Variants in FAXC observed in about 807,000 individuals in gnomAD.
FAXC encodes the protein failed axon connections homolog.
In FAXC, 10 loss-of-function variants were observed where a neutral mutation model predicts 41.9. The ratio of observed to expected loss-of-function variants is 0.24; its 90% confidence interval spans 0.15 to 0.41. The LOEUF (loss-of-function observed/expected upper bound fraction) is 0.41. Among genes scored for constraint, FAXC ranks in the 10% least tolerant of loss-of-function variants. FAXC has a pLI of 1.00. For synonymous variants in FAXC, 183 were observed against 183.8 expected, an observed-to-expected ratio of 1.00 and a Z score of 0.03; for missense variants, 399 against 510.9, an observed-to-expected ratio of 0.78 and a Z score of 2.11.
Position 99,289,637 on chromosome 6 carries a change from C to CA in FAXC, c.940+2066dup, listed in dbSNP as rs1282544694. Among the ~76,000 whole-genome samples, 10 of 151,730 alleles carry CA rather than the reference C, an allele frequency of 6.6e-5. 1 individual carries two copies. Among genetic ancestry groups the CA allele is most frequent in the African/African-American group, 2.4e-4 (10 of 41,302 alleles). On this transcript the variant is annotated intron_variant, in intron 5 of 5. Coordinates refer to ENST00000389677, the MANE Select transcript of FAXC (RefSeq NM_032511.4). The stretch of plus-strand genomic sequence containing the variant: ...TGTCACTTCACTCTAGCCTAGGCAA[C>CA]AGAGCAAGACCCCATTAAAATATAT...
At position 99,304,880 on chromosome 6, in the gene FAXC, A is replaced by G. The variant is rs569761472; in HGVS notation, c.824-13060T>C. Among the ~76,000 whole-genome samples, 3 of 152,356 alleles carry G rather than the reference A, an allele frequency of 2.0e-5. No homozygotes were observed. The South Asian group carries it at 6.2e-4, about 32-fold the overall frequency. On this transcript the variant is annotated intron_variant, in intron 4 of 5. Transcript: ENST00000389677. ...TACAAGCTCAGTGCAACAGCAGAGA[A>G]GAGAAGCACCTCCAACATAGCCCAG...
chr6:99,342,163 T>C (rs1773450105), intron 2 of FAXC, among the ~76,000 whole-genome samples: 1 of 152,090 alleles, frequency 6.6e-6, no homozygotes. Flanking sequence ...GTGGAAAAGC[T>C]CTCACCACAT....
Position 99,278,255 on chromosome 6 carries a change from A to C in FAXC, c.*2909T>G, listed in dbSNP as rs550527827. 6.6e-6 allele frequency: 1 copy of C among 152,318 alleles called. No individual in the cohort carries two copies. The highest frequency in any genetic ancestry group is 1.5e-5 in the Non-Finnish European group (1 of 68,028). The allele number at this position is 152,318 out of a possible 1,614,324, so 9.4% of individuals were successfully genotyped here. A position where few individuals can be genotyped will look rare whatever the true frequency, so the allele number is the denominator to read the frequency against. On this transcript the variant is annotated 3_prime_UTR_variant, in exon 6 of 6. Coordinates refer to ENST00000389677, the MANE Select transcript of FAXC (RefSeq NM_032511.4). ...CTTATATCTGTTCTGATGGAGAGTA[A>C]AGCTCAATGATTCTGCTCATTAATC...
At chr6:99,305,512 C>A (rs1381416306) in intron 4 of FAXC, among the ~76,000 whole-genome samples, 1 of 152,098 alleles carries the variant, frequency 6.6e-6, no homozygotes, top group Admixed American at 6.6e-5. Flanking sequence ...TCCTCATTTA[C>A]AAACCAGGCA....
intron 2 of FAXC, among the ~76,000 whole-genome samples, chr6:99,341,400 G>C (rs1773423108): frequency 6.6e-6 from 1 of 152,076 alleles, no homozygotes; most frequent in Non-Finnish European, 1.5e-5. Flanking sequence ...GAAAAAGAGA[G>C]AGAGAATGAA....
intron 4 of FAXC, among the ~76,000 whole-genome samples, chr6:99,301,241 A>G (rs143113423): frequency 6.6e-6 from 1 of 152,212 alleles, no homozygotes; most frequent in Admixed American, 6.5e-5. Context: ...CTCAAACCAT[A>G]CACTCATCAG....
intron 4 of FAXC, among the ~76,000 whole-genome samples, chr6:99,293,048 C>T (rs1771305773): frequency 6.6e-6 from 1 of 152,218 alleles, no homozygotes. Context: ...CTCAAGTGAT[C>T]TGCCCACCTT....
intron 4 of FAXC, among the ~76,000 whole-genome samples, 166 bp downstream of exon 4, chr6:99,323,278 G>C (rs1772657325): frequency 6.6e-6 from 1 of 152,184 alleles, no homozygotes; most frequent in Admixed American, 6.5e-5. Flanking sequence ...AAAGACACAT[G>C]CTTTTGAAAA....
chr6:99,300,705 A>G (rs1771672089), intron 4 of FAXC, among the ~76,000 whole-genome samples: 1 of 152,238 alleles, frequency 6.6e-6, no homozygotes, highest in Non-Finnish European at 1.5e-5. Context: ...AGGCTTTCCC[A>G]TCAATTTCAT....
intron 2 of FAXC, among the ~76,000 whole-genome samples, chr6:99,341,597 T>C (rs1261261906): frequency 6.6e-6 from 1 of 152,056 alleles, no homozygotes; most frequent in Non-Finnish European, 1.5e-5. Context: ...CTAAAATATA[T>C]AAATACTCTA....
chr6:99,287,777 A>C (rs1479486049), intron 5 of FAXC, among the ~76,000 whole-genome samples: 1 of 152,200 alleles, frequency 6.6e-6, no homozygotes, highest in Non-Finnish European at 1.5e-5. Context: ...TCTACCACAG[A>C]GACAGCAAAG....
intron 4 of FAXC, among the ~76,000 whole-genome samples, chr6:99,320,822 C>T (rs1772558704): frequency 6.6e-6 from 1 of 152,154 alleles, no homozygotes; most frequent in South Asian, 2.1e-4. Context: ...AACACACTGC[C>T]GCCTCATCTA....
chr6:99,314,834 G>A (rs1772278175), intron 4 of FAXC, among the ~76,000 whole-genome samples: 1 of 152,134 alleles, frequency 6.6e-6, no homozygotes, highest in Non-Finnish European at 1.5e-5. Flanking sequence ...TACATATGAT[G>A]TTCCTTCTCT....
At chr6:99,344,856 C>G (rs1292238986) in intron 1 of FAXC, among the ~76,000 whole-genome samples, 1 of 152,116 alleles carries the variant, frequency 6.6e-6, no homozygotes, top group Non-Finnish European at 1.5e-5. Flanking sequence ...GCTCCATCAG[C>G]CAGAACGATC....
chr6:99,281,519 G>A (rs1410798572), intron 5 of FAXC, 66 bp from the exon 6 acceptor site: 2 of 1,263,924 alleles, frequency 1.6e-6, no homozygotes, highest in Admixed American at 3.9e-5. Flanking sequence ...TCTATGGTCT[G>A]TGTTGCCCCA....
intron 3 of FAXC, among the ~76,000 whole-genome samples, chr6:99,327,161 C>T (rs888513627): frequency 6.6e-6 from 1 of 152,120 alleles, no homozygotes; most frequent in Non-Finnish European, 1.5e-5. Context: ...TATTATCGAC[C>T]AGTGTCAGGG....
In FAXC at chr6:99,273,287, A is replaced by G. The variant is rs766170336; in HGVS notation, c.*7877T>C. On this transcript the variant is annotated 3_prime_UTR_variant, in exon 6 of 6. Transcript: ENST00000389677. The stretch of plus-strand genomic sequence containing the variant: ...CCCTTCCTATCTCAGATACCTAAAA[A>G]TAAGTCTGCACATCTTCCACACATT... The G allele has an allele frequency of 8.5e-5, 13 of 152,090 alleles. No homozygotes were observed. The highest frequency in any genetic ancestry group is 3.1e-4 in the African/African-American group (13 of 41,414). The allele number at this position is 152,090 out of a possible 1,614,324, so 9.4% of individuals were successfully genotyped here.
intron 4 of FAXC, among the ~76,000 whole-genome samples, chr6:99,301,290 T>C (rs944852898): frequency 2.0e-5 from 3 of 152,230 alleles, no homozygotes; most frequent in African/African-American, 7.2e-5. Context: ...GTGATGCTTC[T>C]CTTCAAGTGC....
At chr6:99,325,090 A>G (rs1772743685) in intron 3 of FAXC, among the ~76,000 whole-genome samples, 1 of 112,226 alleles carries the variant, frequency 8.9e-6, no homozygotes, top group Non-Finnish European at 1.8e-5. Context: ...AGAATGCTGC[A>G]ATTTTTAAGG....
Sources: allele counts gnomAD v4.1 joint callset (sites outside exome capture counted in the v4.1 genomes callset), GRCh38; gene constraint gnomAD v4.1.1; transcripts MANE v1.5; gene names NCBI Gene and HGNC (gene_info 2026-07-23, HGNC 2026-07-21).